Variants in NAALADL2 observed in about 807,000 individuals in gnomAD.
The protein encoded by NAALADL2 is inactive N-acetylated-alpha-linked acidic dipeptidase-like protein 2.
Under a neutral mutation model 87.2 loss-of-function variants are expected in NAALADL2, and 76 were observed. The observed-to-expected ratio is 0.87, with a 90% CI of 0.72 to 1.05. The LOEUF is 1.05. Ranked by LOEUF, NAALADL2 falls within the 50% of genes least tolerant of loss-of-function variation. NAALADL2 has a pLI of 0.00. For missense variants in NAALADL2, 1,089 were observed against 945.8 expected (o/e 1.15, Z -1.99); for synonymous variants, 354 against 331.0 (o/e 1.07, Z -0.75).
intron 9 of NAALADL2, among the ~76,000 whole-genome samples, chr3:175,489,764 C>G (rs1727787290): frequency 6.6e-6 from 1 of 152,168 alleles, no homozygotes; most frequent in Non-Finnish European, 1.5e-5. Context: ...GTCTTCTACT[C>G]CTTGTAGAAG....
chr3:174,833,446 A>C (rs1722969513), intron 3 of NAALADL2, among the ~76,000 whole-genome samples: 2 of 152,178 alleles, frequency 1.3e-5, no homozygotes, highest in African/African-American at 4.8e-5. Flanking sequence ...CTCCAGGCTT[A>C]GATGGCTTCA....
chr3:175,753,463 C>T (rs1325203018), intron 12 of NAALADL2, among the ~76,000 whole-genome samples: 2 of 151,984 alleles, frequency 1.3e-5, no homozygotes, highest in African/African-American at 4.8e-5. Context: ...CAACACGGTG[C>T]TGGGCACTAA....
chr3:174,849,954 A>G (rs9828728), intron 3 of NAALADL2, among the ~76,000 whole-genome samples: 30,501 of 151,954 alleles, frequency 0.2, 3,284 homozygotes, highest in East Asian at 0.44. Flanking sequence ...AAAGTGTTAT[A>G]GGATTTTATA....
At chr3:175,411,072 A>G (rs1348907616) in intron 5 of NAALADL2, among the ~76,000 whole-genome samples, 1 of 151,972 alleles carries the variant, frequency 6.6e-6, no homozygotes, top group Non-Finnish European at 1.5e-5. Context: ...GAGTGTGTCA[A>G]TAAGCTCTGG....
chr3:174,704,365 T>A (rs1281022961), intron 2 of NAALADL2, among the ~76,000 whole-genome samples: 3 of 152,308 alleles, frequency 2.0e-5, no homozygotes, highest in South Asian at 2.1e-4. Flanking sequence ...TCTATTACAA[T>A]TGGTGACAAA....
chr3:174,532,959 G>C (rs1275345423), intron 1 of NAALADL2, among the ~76,000 whole-genome samples: 5 of 151,088 alleles, frequency 3.3e-5, no homozygotes, highest in Non-Finnish European at 1.5e-5. Flanking sequence ...TTTTGCCTTT[G>C]TTAGATGCCA....
chr3:175,483,329 T>C (rs1411413520), intron 9 of NAALADL2, among the ~76,000 whole-genome samples: 10 of 150,256 alleles, frequency 6.7e-5, no homozygotes, highest in African/African-American at 2.2e-4. Flanking sequence ...TTTTTGGCTT[T>C]TTTTTTTTTT....
At chr3:174,907,186 A>T (rs1258109014) in intron 1 of NAALADL2, among the ~76,000 whole-genome samples, 1 of 152,100 alleles carries the variant, frequency 6.6e-6, no homozygotes, top group Non-Finnish European at 1.5e-5. Context: ...TCATTGCATC[A>T]CAGAATACTA....
At chr3:175,657,604 G>A (rs534241340) in intron 11 of NAALADL2, among the ~76,000 whole-genome samples, 2 of 149,058 alleles carry the variant, frequency 1.3e-5, no homozygotes, top group South Asian at 2.1e-4. Context: ...CTTTTGAGAC[G>A]GAGTCTTGCT....
intron 3 of NAALADL2, among the ~76,000 whole-genome samples, chr3:174,846,154 C>A (rs186585167): frequency 2.9e-3 from 449 of 152,236 alleles, no homozygotes; most frequent in Non-Finnish European, 5.2e-3. Context: ...TCTAGATTAC[C>A]TTTTTGCTGC....
At position 175,361,359 on chromosome 3, in the gene NAALADL2, T is replaced by G. The variant is rs192995381; in HGVS notation, c.1090+37034T>G. Reference sequence around the variant, plus strand: ...CATGTGTCTTTATAGAAGCATGATGTATAATCCTTTGGGTATATACCCAGT... The same window carrying G: ...CATGTGTCTTTATAGAAGCATGATGGATAATCCTTTGGGTATATACCCAGT... On this transcript the variant is annotated intron_variant, in intron 5 of 13. Transcript: ENST00000454872. 4.7e-3 allele frequency among the ~76,000 whole-genome samples: 692 copies of G among 148,536 alleles called. 38 individuals carry two copies. The highest frequency in any genetic ancestry group is 0.016 in the African/African-American group (658 of 40,966).
intron 2 of NAALADL2, among the ~76,000 whole-genome samples, chr3:174,708,364 G>A (rs969873924): frequency 6.6e-6 from 1 of 152,128 alleles, no homozygotes; most frequent in African/African-American, 2.4e-5. Flanking sequence ...TTGCCAATAT[G>A]TTTGTTTCTT....
At chr3:174,658,218 C>T (rs754106857) in intron 2 of NAALADL2, among the ~76,000 whole-genome samples, 2 of 152,092 alleles carry the variant, frequency 1.3e-5, no homozygotes, top group South Asian at 2.1e-4. Flanking sequence ...AGTGGCTGTA[C>T]CATTTTTGCG....
chr3:175,629,963 T>A (rs981574336), intron 11 of NAALADL2, among the ~76,000 whole-genome samples: 1 of 151,804 alleles, frequency 6.6e-6, no homozygotes, highest in African/African-American at 2.4e-5. Context: ...TAAGTGGATG[T>A]TGGAAAGAAT....
intron 1 of NAALADL2, among the ~76,000 whole-genome samples, chr3:174,933,712 A>G (rs1737253869): frequency 6.6e-6 from 1 of 152,194 alleles, no homozygotes; most frequent in South Asian, 2.1e-4. Context: ...TTATTCAAAG[A>G]TATTTTCTAC....
chr3:175,767,045 G>C (rs896387492), intron 13 of NAALADL2, among the ~76,000 whole-genome samples: 1 of 152,100 alleles, frequency 6.6e-6, no homozygotes, highest in African/African-American at 2.4e-5. Flanking sequence ...TTGTTCAAAT[G>C]AAAGCTTACA....
At chr3:175,451,555 A>C (rs886535351) in intron 6 of NAALADL2, among the ~76,000 whole-genome samples, 1 of 152,178 alleles carries the variant, frequency 6.6e-6, no homozygotes, top group Non-Finnish European at 1.5e-5. Flanking sequence ...CTTGTGGTTA[A>C]AATTCATGAC....
chr3:175,354,789 A>C (rs1465366559), intron 5 of NAALADL2, among the ~76,000 whole-genome samples: 1 of 150,792 alleles, frequency 6.6e-6, no homozygotes, highest in Non-Finnish European at 1.5e-5. Flanking sequence ...GAGTAGCTGG[A>C]ATTACAATGT....
chr3:174,647,882 C>A (rs1275582047), intron 2 of NAALADL2, among the ~76,000 whole-genome samples: 1 of 152,126 alleles, frequency 6.6e-6, no homozygotes, highest in East Asian at 1.9e-4. Context: ...AAGTCTCATT[C>A]CAAAACATTC....
Sources: allele counts gnomAD v4.1 joint callset (sites outside exome capture counted in the v4.1 genomes callset), GRCh38; gene constraint gnomAD v4.1.1; transcripts MANE v1.5; gene names NCBI Gene and HGNC (gene_info 2026-07-23, HGNC 2026-07-21).